Variants in ATXN7L2 observed in about 807,000 individuals in gnomAD.
The protein encoded by ATXN7L2 is ataxin-7-like protein 2.
In ATXN7L2, 17 loss-of-function variants were observed where a neutral mutation model predicts 59.6. That is an observed-to-expected ratio of 0.29 (90% confidence interval 0.20 to 0.43). The LOEUF (loss-of-function observed/expected upper bound fraction) is 0.43. Among genes scored for constraint, ATXN7L2 ranks in the 20% least tolerant of loss-of-function variants. The pLI, the probability that ATXN7L2 is intolerant of heterozygous loss-of-function variation, is 1.00. For missense variants in ATXN7L2, 858 were observed against 1,008.9 expected (o/e 0.85, Z 2.03); for synonymous variants, 378 against 392.5 (o/e 0.96, Z 0.44).
chr1:109,486,599 A>G lies in ATXN7L2; in HGVS notation c.287A>G (p.Gln96Arg), dbSNP rs756728202. The G allele has an allele frequency of 6.2e-7, 1 of 1,613,910 alleles. No individual in the cohort carries two copies. Among genetic ancestry groups the G allele is most frequent in the Admixed American group, 1.7e-5 (1 of 60,018 alleles). ...CAAGTGGTGAAGCCTCAAGCTTTCC[A>G]GAAGCACTGCGGTGAGGGGAGCCCT... ...CSQVVKPQAF[Q>R]KHCERRHGPL... is the part of the protein sequence containing the mutation. The change falls in exon 3 of 11, where the codon CAG becomes CGG. Residue 96 changes from glutamine (Q) to arginine (R), a missense_variant. Gln to Arg is a conservative substitution (Grantham distance 43). Transcript: ENST00000683729. This position sits in a 1 kb window ranked among gnomAD's most constrained non-coding sequence, Gnocchi z 4.3.
Position 109,491,206 on chromosome 1 carries a change from T to C in ATXN7L2, c.1739T>C (p.Leu580Pro). Residue 580 changes from leucine (L) to proline (P), a missense_variant, in exon 10 of 11, where the codon CTG (leucine) becomes CCG (proline). By Grantham distance (98) the Leu-to-Pro change is moderately conservative. Coordinates refer to ENST00000683729, the MANE Select transcript of ATXN7L2 (RefSeq NM_001350175.2). This position sits in a 1 kb window ranked among gnomAD's most constrained non-coding sequence, Gnocchi z 4.1. ...ACGCCATCCCCGTCCTTCAGCAAGC[T>C]GCCGCCTTCCAAGGCCAGCAAGTCA... The part of the protein sequence containing the change: ...ANTPSPSFSK[L>P]PPSKASKSSK... The C allele has an allele frequency of 6.2e-7, 1 of 1,614,146 alleles. No individual in the cohort carries two copies. Among genetic ancestry groups the C allele is most frequent in the Middle Eastern group, 1.6e-4 (1 of 6,062 alleles).
chr1:109,485,246 G>A (rs1229209805), intron 1 of ATXN7L2: 9 of 962,304 alleles, frequency 9.4e-6, no homozygotes, highest in East Asian at 2.6e-4. Flanking sequence ...GGGAGGGGGC[G>A]TAGAGGAGGG....
At position 109,488,174 on chromosome 1, in the gene ATXN7L2, G is replaced by A. The variant is rs558507358; in HGVS notation, c.797-209G>A. Among the ~76,000 whole-genome samples the A allele has an allele frequency of 3.9e-5, 6 of 152,356 alleles. No individual in the cohort carries two copies. In the East Asian group the frequency reaches 1.2e-3, roughly 29 times the overall value. On this transcript the variant is annotated intron_variant, in intron 5 of 10. Coordinates refer to ENST00000683729, the MANE Select transcript of ATXN7L2 (RefSeq NM_001350175.2). This position sits in a 1 kb window ranked among gnomAD's most constrained non-coding sequence, Gnocchi z 5.0. ...CTTTGGGCTTGAAGTCCCAAAAGGC[G>A]CACCTGAAATTGGGATAGGGATGGT...
chr1:109,490,071 CG>C lies in ATXN7L2; in HGVS notation c.1276del (p.Asp426ThrfsTer28). On this transcript the variant is annotated frameshift_variant, in exon 8 of 11. Transcript: ENST00000683729. LOFTEE classifies it high-confidence loss of function. The stretch of plus-strand genomic sequence containing the variant: ...AGAGTGAGGAGGAGGGGACATCTGA[CG>C]ACCTCCACCCACCCCCTGACTGCCA... ...EESEEEGTSD[D>X]LHPPPDCHYA... The C allele has an allele frequency of 6.2e-7, 1 of 1,602,202 alleles. No individual in the cohort carries two copies. Among genetic ancestry groups the C allele is most frequent in the Non-Finnish European group, 8.5e-7 (1 of 1,173,708 alleles).
In ATXN7L2 at chr1:109,486,974, A is replaced by C. The variant is rs778458196; in HGVS notation, c.299-33A>C. The C allele has an allele frequency of 6.5e-7, 1 of 1,533,514 alleles. No homozygotes were observed. The highest frequency in any genetic ancestry group is 1.3e-5 in the South Asian group (1 of 79,188). The allele number at this position is 1,533,514 out of a possible 1,614,324, so 95.0% of individuals were successfully genotyped here. A position where few individuals can be genotyped will look rare whatever the true frequency, so the allele number is the denominator to read the frequency against. On this transcript the variant is annotated intron_variant, in intron 3 of 10. Coordinates refer to ENST00000683729, the MANE Select transcript of ATXN7L2 (RefSeq NM_001350175.2). The surrounding 1 kb of genome is among the most constrained non-coding windows in gnomAD (Gnocchi z 4.3). Reference sequence around the variant, plus strand: ...GGGGAAGGAAGTGGTGATACCACTCACCTTGATTATTCTTTCCACCTCCTG... The same window carrying C: ...GGGGAAGGAAGTGGTGATACCACTCCCCTTGATTATTCTTTCCACCTCCTG...
intron 7 of ATXN7L2, chr1:109,489,671 C>T (rs908545645): frequency 1.5e-5 from 8 of 541,398 alleles, no homozygotes; most frequent in Admixed American, 3.5e-5. Context: ...GGCGGATCTG[C>T]AGCAGATTAT....
Position 109,488,588 on chromosome 1 carries a change from A to G in ATXN7L2, c.879+123A>G, listed in dbSNP as rs1233972766. The G allele has an allele frequency of 6.0e-6, 7 of 1,166,698 alleles. No homozygotes were observed. The highest frequency in any genetic ancestry group is 8.5e-6 in the Non-Finnish European group (7 of 820,546). 72.3% of individuals were successfully genotyped at this position (1,166,698 alleles called of 1,614,324 possible). On this transcript the variant is annotated intron_variant, in intron 6 of 10. Coordinates refer to ENST00000683729, the MANE Select transcript of ATXN7L2 (RefSeq NM_001350175.2). This position sits in a 1 kb window ranked among gnomAD's most constrained non-coding sequence, Gnocchi z 5.0. ...AGCTTAAGGGAGGGCAGTTAGGCCC[A>G]CCCAAGGGAAGGGGAGATGGGTATG...
chr1:109,492,708 GA>G lies in ATXN7L2; in HGVS notation c.*115del, dbSNP rs1204388604. ...ATAACTTTATATTATTTTTTTTTAA[GA>G]AAAAAAGCTCTTTAAAATACCTCAA... On this transcript the variant is annotated 3_prime_UTR_variant, in exon 11 of 11. Transcript: ENST00000683729. The G allele has an allele frequency of 6.0e-6, 8 of 1,338,722 alleles. No individual in the cohort carries two copies. The highest frequency in any genetic ancestry group is 1.5e-5 in the African/African-American group (1 of 66,046). The allele number at this position is 1,338,722 out of a possible 1,614,324, so 82.9% of individuals were successfully genotyped here. A position where few individuals can be genotyped will look rare whatever the true frequency, so the allele number is the denominator to read the frequency against.
rs1657041146 is a variant in ATXN7L2 at position 109,491,261 on chromosome 1, G to A, written c.1794G>A (p.Glu598=). 2 of 1,614,240 alleles carry A rather than the reference G, an allele frequency of 1.2e-6. No individual in the cohort carries two copies. Among genetic ancestry groups the A allele is most frequent in the African/African-American group, 2.7e-5 (2 of 75,076 alleles). The change falls in exon 10 of 11, where the codon GAG becomes GAA. Residue 598 remains glutamate, a synonymous_variant. Transcript: ENST00000683729. The surrounding 1 kb of genome is among the most constrained non-coding windows in gnomAD (Gnocchi z 4.1). ...SSKGKDGVEV[E]APSRKRKLSP... ...AAGGCAAGGACGGGGTGGAGGTGGA[G>A]GCCCCTTCTCGAAAGCGGAAGTTAT...
At chr1:109,492,224 G>A in intron 10 of ATXN7L2, 1 of 623,432 alleles carries the variant, frequency 1.6e-6, no homozygotes, top group Non-Finnish European at 2.1e-6. Context: ...TGACAGGCAA[G>A]TTCTCCAGGG....
At chr1:109,484,354 C>T (rs1656416437) in intron 1 of ATXN7L2, among the ~76,000 whole-genome samples, 1 of 152,006 alleles carries the variant, frequency 6.6e-6, no homozygotes, top group South Asian at 2.1e-4. Flanking sequence ...CTTTATCTTT[C>T]TCCTTGCCTG....
chr1:109,488,520 C>G lies in ATXN7L2; in HGVS notation c.879+55C>G. On this transcript the variant is annotated intron_variant, in intron 6 of 10. Transcript: ENST00000683729. The surrounding 1 kb of genome is among the most constrained non-coding windows in gnomAD (Gnocchi z 5.0). The stretch of plus-strand genomic sequence containing the variant: ...AGGACAGCACAGGGCTTGCCCACTC[C>G]TTCCCTGGGCAAAGAGAGGAATGTC... 6.6e-7 allele frequency: 1 copy of G among 1,506,360 alleles called. No individual in the cohort carries two copies. Among genetic ancestry groups the G allele is most frequent in the Non-Finnish European group, 9.1e-7 (1 of 1,096,196 alleles). The allele number at this position is 1,506,360 out of a possible 1,614,324, so 93.3% of individuals were successfully genotyped here.
chr1:109,489,345 T>G, intron 7 of ATXN7L2: 1 of 551,018 alleles, frequency 1.8e-6, no homozygotes, highest in Middle Eastern at 4.8e-4. Context: ...ATATGAACAT[T>G]TTCCCAGCTG....
Position 109,491,761 on chromosome 1 carries a change from A to G in ATXN7L2, c.2250+44A>G, listed in dbSNP as rs543177554. 6.0e-5 allele frequency: 90 copies of G among 1,511,462 alleles called. 4 individuals carry two copies. The South Asian group carries it at 1.0e-3, about 17-fold the overall frequency. The allele number at this position is 1,511,462 out of a possible 1,614,324, so 93.6% of individuals were successfully genotyped here. ...GAAGATTGATGAGGGTGGGGCACACAGGGGGTACCTGATACAGAGAAGATG... is the reference window on the plus strand; with the variant it reads ...GAAGATTGATGAGGGTGGGGCACACGGGGGGTACCTGATACAGAGAAGATG... On this transcript the variant is annotated intron_variant, in intron 10 of 10. Coordinates refer to ENST00000683729, the MANE Select transcript of ATXN7L2 (RefSeq NM_001350175.2). This position sits in a 1 kb window ranked among gnomAD's most constrained non-coding sequence, Gnocchi z 4.1.
chr1:109,491,827 T>C lies in ATXN7L2; in HGVS notation c.2250+110T>C. ...TGCAGGGAAAGGGAGGAAGGGGAAG[T>C]TGAGAGAGTTCCTGGACTGTTTTCT... On this transcript the variant is annotated intron_variant, in intron 10 of 10. Transcript: ENST00000683729. The surrounding 1 kb of genome is among the most constrained non-coding windows in gnomAD (Gnocchi z 4.1). 1.5e-6 allele frequency: 2 copies of C among 1,333,932 alleles called. No individual in the cohort carries two copies. Among genetic ancestry groups the C allele is most frequent in the Non-Finnish European group, 2.0e-6 (2 of 1,001,112 alleles). 82.6% of individuals were successfully genotyped at this position (1,333,932 alleles called of 1,614,324 possible). A position where few individuals can be genotyped will look rare whatever the true frequency, so the allele number is the denominator to read the frequency against.
In ATXN7L2 at chr1:109,491,800, T is replaced by C. The variant is rs1657103071; in HGVS notation, c.2250+83T>C. 1.1e-5 allele frequency: 15 copies of C among 1,415,544 alleles called. No individual in the cohort carries two copies. Among genetic ancestry groups the C allele is most frequent in the Non-Finnish European group, 1.4e-5 (15 of 1,066,976 alleles). 87.7% of individuals were successfully genotyped at this position (1,415,544 alleles called of 1,614,324 possible). ...ACAGAGAAGATGCTACATTGGTGTT[T>C]GTGCAGGGAAAGGGAGGAAGGGGAA... is the stretch of plus-strand genomic sequence containing the variant. On this transcript the variant is annotated intron_variant, in intron 10 of 10. Coordinates refer to ENST00000683729, the MANE Select transcript of ATXN7L2 (RefSeq NM_001350175.2). This position sits in a 1 kb window ranked among gnomAD's most constrained non-coding sequence, Gnocchi z 4.1.
chr1:109,489,655 G>A, intron 7 of ATXN7L2: 1 of 523,612 alleles, frequency 1.9e-6, no homozygotes, highest in Non-Finnish European at 3.4e-6. Context: ...AAGATTTTCT[G>A]GAGGAGGCGG....
chr1:109,488,261 C>T lies in ATXN7L2; in HGVS notation c.797-122C>T, dbSNP rs1656740248. Reference sequence around the variant, plus strand: ...TTTATCTGGAAGGTACAGCCCCAGGCTGAGGGCTGGAGTCTCTTCTGCCTT... The same window carrying T: ...TTTATCTGGAAGGTACAGCCCCAGGTTGAGGGCTGGAGTCTCTTCTGCCTT... On this transcript the variant is annotated intron_variant, in intron 5 of 10. Coordinates refer to ENST00000683729, the MANE Select transcript of ATXN7L2 (RefSeq NM_001350175.2). This position sits in a 1 kb window ranked among gnomAD's most constrained non-coding sequence, Gnocchi z 5.0. 3 of 923,426 alleles carry T rather than the reference C, an allele frequency of 3.2e-6. No homozygotes were observed. In the South Asian group the frequency reaches 4.3e-5, roughly 13 times the overall value. The allele number at this position is 923,426 out of a possible 1,614,324, so 57.2% of individuals were successfully genotyped here. A position where few individuals can be genotyped will look rare whatever the true frequency, so the allele number is the denominator to read the frequency against.
At chr1:109,485,291 A>G in intron 1 of ATXN7L2, 1 of 985,086 alleles carries the variant, frequency 1.0e-6, no homozygotes, top group Non-Finnish European at 1.2e-6. Context: ...ATGGGGAAAA[A>G]GCTGCTTTGC....
Sources: gnomAD v4.1 joint callset for allele counts (sites outside exome capture counted in the v4.1 genomes callset) on GRCh38, gnomAD v4.1.1 for gene constraint, Gnocchi (gnomAD v3.1) non-coding constraint, MANE v1.5 for transcripts, NCBI Gene and HGNC (gene_info 2026-07-23, HGNC 2026-07-21) for gene names.